The following RBMS3 variants were observed in gnomAD, a reference collection of about 807,000 sequenced individuals.
The protein encoded by RBMS3 is RNA binding motif single stranded interacting protein 3, also known as RNA-binding motif, single-stranded-interacting protein 3.
RBMS3 carries 27 observed loss-of-function variants against 66.8 expected under a neutral mutation model. The observed-to-expected ratio is 0.40, with a 90% CI of 0.30 to 0.56. RBMS3 has a LOEUF of 0.56. Among genes scored for constraint, RBMS3 ranks in the 20% least tolerant of loss-of-function variants. The probability of loss-of-function intolerance (pLI) is 0.40; values close to 1 mark genes in which losing one functional copy is unlikely to be tolerated. For synonymous variants in RBMS3, 188 were observed against 183.0 expected (o/e 1.03, Z -0.22); for missense variants, 513 against 549.5 (o/e 0.93, Z 0.66).
At chr3:29,626,977 A>T (rs1385082641) in intron 4 of RBMS3, among the ~76,000 whole-genome samples, 1 of 152,170 alleles carries the variant, frequency 6.6e-6, no homozygotes, top group Admixed American at 6.6e-5. Flanking sequence ...TATTATATAG[A>T]ATAATAAAGC....
chr3:29,508,625 A>G (rs2044275679), intron 3 of RBMS3, among the ~76,000 whole-genome samples: 2 of 152,022 alleles, frequency 1.3e-5, no homozygotes. Context: ...GCTGGTTTCA[A>G]GTCTTTGCTA....
chr3:29,476,222 A>G (rs940819757), intron 2 of RBMS3, among the ~76,000 whole-genome samples: 1 of 152,218 alleles, frequency 6.6e-6, no homozygotes, highest in Non-Finnish European at 1.5e-5. Flanking sequence ...TAATTATAAC[A>G]TAAGCCTGAA....
At chr3:29,923,552 G>A (rs576033882) in intron 10 of RBMS3, among the ~76,000 whole-genome samples, 7 of 152,050 alleles carry the variant, frequency 4.6e-5, no homozygotes, top group African/African-American at 1.7e-4. Context: ...TTTGCTGACC[G>A]TTCATTTCCT....
At chr3:29,580,569 C>T (rs2047290772) in intron 3 of RBMS3, among the ~76,000 whole-genome samples, 1 of 151,812 alleles carries the variant, frequency 6.6e-6, no homozygotes, top group African/African-American at 2.4e-5. Flanking sequence ...TATTTATCAA[C>T]TCTACTAGAC....
chr3:29,352,504 T>G (rs1029691702), intron 1 of RBMS3, among the ~76,000 whole-genome samples: 1 of 152,122 alleles, frequency 6.6e-6, no homozygotes, highest in Non-Finnish European at 1.5e-5. Context: ...CATGTGATAT[T>G]TTGTTACATG....
chr3:29,492,035 C>G (rs546286996), intron 3 of RBMS3, among the ~76,000 whole-genome samples: 12 of 152,062 alleles, frequency 7.9e-5, no homozygotes, highest in Non-Finnish European at 1.2e-4. Context: ...ACCGTTTGCC[C>G]TGAGGGTAAT....
intron 1 of RBMS3, among the ~76,000 whole-genome samples, chr3:29,364,610 T>C (rs1201645309): frequency 6.6e-6 from 1 of 152,184 alleles, no homozygotes; most frequent in Non-Finnish European, 1.5e-5. Flanking sequence ...CTTCTTCACA[T>C]ACTTTACATT....
At chr3:29,936,309 C>T in intron 11 of RBMS3, 113 bp downstream of exon 11, 3 of 993,826 alleles carry the variant, frequency 3.0e-6, no homozygotes, top group African/African-American at 1.6e-5. Context: ...CGTTGACTAA[C>T]ACATCTTTCA....
In RBMS3 at chr3:29,316,846, G is replaced by A. The variant is rs529024546; in HGVS notation, c.75+35090G>A. ...ACCTTTAATTCCTACGCACTCAAGA[G>A]ACATTTGTTGGATAAGTGAAAAATG... On this transcript the variant is annotated intron_variant, in intron 1 of 14. Coordinates refer to ENST00000383767, the MANE Select transcript of RBMS3 (RefSeq NM_001003793.3). Among the ~76,000 whole-genome samples the A allele has an allele frequency of 1.3e-4, 20 of 151,724 alleles. 1 individual carries two copies. Among genetic ancestry groups the A allele is most frequent in the Admixed American group, 2.6e-4 (4 of 15,188 alleles).
chr3:29,978,882 C>G (rs986809667), intron 12 of RBMS3, among the ~76,000 whole-genome samples: 2 of 152,072 alleles, frequency 1.3e-5, no homozygotes, highest in Non-Finnish European at 2.9e-5. Flanking sequence ...CACCTGTAAT[C>G]TCAGCATTTT....
At position 30,008,211 on chromosome 3, in the gene RBMS3, C is replaced by T. The variant is rs1215761935; in HGVS notation, c.*4349C>T. 2.0e-5 allele frequency: 3 copies of T among 151,786 alleles called. No individual in the cohort carries two copies. Among genetic ancestry groups the T allele is most frequent in the Admixed American group, 6.6e-5 (1 of 15,234 alleles). 9.4% of individuals were successfully genotyped at this position (151,786 alleles called of 1,614,324 possible). On this transcript the variant is annotated 3_prime_UTR_variant, in exon 15 of 15. Coordinates refer to ENST00000383767, the MANE Select transcript of RBMS3 (RefSeq NM_001003793.3). ...ATTAGGACTCTTGCAGTCATCTTCA[C>T]GACTGAGGAGAAGTTTCAATAGGCT...
chr3:29,436,083 G>T (rs1052617785), intron 2 of RBMS3, among the ~76,000 whole-genome samples: 31 of 151,876 alleles, frequency 2.0e-4, no homozygotes, highest in African/African-American at 7.5e-4. Context: ...ACTTAGCTGT[G>T]TATTTTTAAA....
chr3:29,673,473 T>C (rs185460548), intron 4 of RBMS3, among the ~76,000 whole-genome samples: 3 of 151,166 alleles, frequency 2.0e-5, no homozygotes, highest in Admixed American at 2.0e-4. Flanking sequence ...GTTTTTTTTT[T>C]TTTAAAAGAT....
At chr3:29,745,897 G>GT (rs2054871549) in intron 5 of RBMS3, among the ~76,000 whole-genome samples, 1 of 116,494 alleles carries the variant, frequency 8.6e-6, no homozygotes, top group African/African-American at 3.0e-5. Context: ...TTTTCATTAA[G>GT]TAAAAAAAAA....
chr3:29,515,571 T>C (rs900583613), intron 3 of RBMS3, among the ~76,000 whole-genome samples: 1 of 152,228 alleles, frequency 6.6e-6, no homozygotes, highest in Non-Finnish European at 1.5e-5. Context: ...ATCCTTTCTC[T>C]TGCATTCATG....
At chr3:29,756,114 T>G (rs2055401499) in intron 5 of RBMS3, among the ~76,000 whole-genome samples, 1 of 152,218 alleles carries the variant, frequency 6.6e-6, no homozygotes, top group African/African-American at 2.4e-5. Context: ...GTTCCATGGT[T>G]GCTGTGATGT....
intron 7 of RBMS3, among the ~76,000 whole-genome samples, chr3:29,879,440 A>C (rs2059686966): frequency 6.6e-6 from 1 of 152,154 alleles, no homozygotes; most frequent in Non-Finnish European, 1.5e-5. Context: ...GCAAGAAATA[A>C]ACACTTTAAA....
intron 3 of RBMS3, among the ~76,000 whole-genome samples, chr3:29,497,695 C>T (rs2043806005): frequency 6.6e-6 from 1 of 152,152 alleles, no homozygotes; most frequent in South Asian, 2.1e-4. Flanking sequence ...TCTCTCATCT[C>T]TCATGCTTTT....
At chr3:29,701,317 T>C (rs2052563966) in intron 4 of RBMS3, among the ~76,000 whole-genome samples, 1 of 151,818 alleles carries the variant, frequency 6.6e-6, no homozygotes, top group South Asian at 2.1e-4. Context: ...AAGTAGTGAA[T>C]GTTACCTCCG....
Sources: allele counts gnomAD v4.1 joint callset (sites outside exome capture counted in the v4.1 genomes callset), GRCh38; gene constraint gnomAD v4.1.1; transcripts MANE v1.5; gene names NCBI Gene and HGNC (gene_info 2026-07-23, HGNC 2026-07-21).